Variants in LOXL3 observed in about 807,000 individuals in gnomAD.
LOXL3 encodes the protein lysyl oxidase like 3.
A neutral mutation model predicts 91.8 loss-of-function variants in LOXL3; 60 were observed. The ratio of observed to expected loss-of-function variants is 0.65; its 90% CI spans 0.53 to 0.81. LOXL3 has a LOEUF of 0.81. LOXL3 is among the 30% of genes least tolerant of loss of function. The probability of loss-of-function intolerance (pLI) is 0.00; values close to 1 mark genes in which losing one functional copy is unlikely to be tolerated. For missense variants in LOXL3, 874 were observed against 1,000.4 expected (o/e 0.87, Z 1.70); for synonymous variants, 355 against 387.6 (o/e 0.92, Z 0.99).
intron 4 of LOXL3, among the ~76,000 whole-genome samples, chr2:74,548,177 A>G (rs913175052): frequency 6.6e-6 from 1 of 152,262 alleles, no homozygotes; most frequent in African/African-American, 2.4e-5. Context: ...ATGTCTGTTC[A>G]GCAGAGGAGG....
At position 74,552,411 on chromosome 2, in the gene LOXL3, G is replaced by A. The variant is rs374759905; in HGVS notation, c.224C>T (p.Thr75Met). The change falls in exon 2 of 14, where the codon ACG (threonine) becomes ATG (methionine). Residue 75 changes from threonine (T) to methionine (M), a missense_variant. Physicochemically the swap from Thr to Met is moderately conservative, Grantham distance 81. Transcript: ENST00000264094. ...GCAGAGGATGTGGGCAGCCTGCAGC[G>A]TGAAGTCATCATCGCAGATGGTGCC... is the stretch of plus-strand genomic sequence containing the variant. ...EWGTICDDDF[T>M]LQAAHILCRE... is the part of the protein sequence containing the mutation. 1.1e-5 allele frequency: 18 copies of A among 1,613,674 alleles called. No homozygotes were observed. Among genetic ancestry groups the A allele is most frequent in the African/African-American group, 4.0e-5 (3 of 74,940 alleles).
rs1192116622 is a variant in LOXL3, at chr2:74,534,747, G to A, written c.1607C>T (p.Ala536Val). ...ETASDLLLHS[A>V]LVQETAYIED... Reference sequence around the variant, plus strand: ...GATGTAGGCGGTCTCCTGCACCAGTGCTGAGTGCAGCAACAGATCTGATGC... The same window carrying A: ...GATGTAGGCGGTCTCCTGCACCAGTACTGAGTGCAGCAACAGATCTGATGC... Residue 536 changes from alanine to valine, a missense_variant, in exon 10 of 14, where the codon GCA (alanine) becomes GTA (valine). Physicochemically the swap from Ala to Val is moderately conservative, Grantham distance 64. Coordinates refer to ENST00000264094, the MANE Select transcript of LOXL3 (RefSeq NM_032603.5). The A allele has an allele frequency of 6.2e-7, 1 of 1,613,904 alleles. No individual in the cohort carries two copies. The highest frequency in any genetic ancestry group is 1.7e-5 in the Admixed American group (1 of 60,024).
intron 4 of LOXL3, among the ~76,000 whole-genome samples, chr2:74,543,900 CA>C (rs960168777): frequency 0.011 from 714 of 65,122 alleles, 2 homozygotes; most frequent in African/African-American, 0.03. Context: ...GGCTCTGTCT[CA>C]AAAAAAAAAA....
At chr2:74,534,481 G>T in intron 10 of LOXL3, 50 bp from the exon 11 acceptor site, 1 of 1,613,562 alleles carries the variant, frequency 6.2e-7, no homozygotes, top group Non-Finnish European at 8.5e-7. Flanking sequence ...CAGAAGGTTT[G>T]CCCCATCCCC....
intron 12 of LOXL3, 36 bp downstream of exon 12, chr2:74,534,064 C>G: frequency 6.2e-7 from 1 of 1,613,010 alleles, no homozygotes; most frequent in Non-Finnish European, 8.5e-7. Context: ...AACGCTCCCC[C>G]CACTCACCCA....
At chr2:74,550,369 G>A in intron 2 of LOXL3, 21 bp from the exon 3 acceptor site, 1 of 1,608,566 alleles carries the variant, frequency 6.2e-7, no homozygotes, top group South Asian at 1.1e-5. Context: ...GGAGATGAAG[G>A]GACAGAGAAG....
At position 74,536,513 on chromosome 2, in the gene LOXL3, T is replaced by C. The variant is rs1414889175; in HGVS notation, c.913-42A>G. 3.8e-5 allele frequency: 60 copies of C among 1,585,040 alleles called. No homozygotes were observed. Among genetic ancestry groups the C allele is most frequent in the Non-Finnish European group, 4.9e-5 (57 of 1,163,896 alleles). ...TGCCCAACAGAGGCAAATGGCAACA[T>C]CTGCACGGAGGGCTAAGCAGACCTG... On this transcript the variant is annotated intron_variant, in intron 5 of 13. Coordinates refer to ENST00000264094, the MANE Select transcript of LOXL3 (RefSeq NM_032603.5). The surrounding 1 kb of genome is among the most constrained non-coding windows in gnomAD (Gnocchi z 4.5).
At position 74,538,453 on chromosome 2, in the gene LOXL3, C is replaced by T. The variant is rs13428246; in HGVS notation, c.693-1525G>A. On this transcript the variant is annotated intron_variant, in intron 4 of 13. Transcript: ENST00000264094. ...GGGAGAAAGGGATGAATTATCGATACTTCAGTCCCTCTTGAAGTTATCAGG... is the reference window on the plus strand; with the variant it reads ...GGGAGAAAGGGATGAATTATCGATATTTCAGTCCCTCTTGAAGTTATCAGG... 7.7e-3 allele frequency among the ~76,000 whole-genome samples: 1,179 copies of T among 152,326 alleles called. 14 individuals carry two copies. Among genetic ancestry groups the T allele is most frequent in the Middle Eastern group, 0.014 (4 of 294 alleles).
chr2:74,549,868 T>C lies in LOXL3; in HGVS notation c.478-285A>G. 1 of 985,316 alleles carries C rather than the reference T, an allele frequency of 1.0e-6. No homozygotes were observed. The highest frequency in any genetic ancestry group is 1.2e-6 in the Non-Finnish European group (1 of 829,894). 61.0% of individuals were successfully genotyped at this position (985,316 alleles called of 1,614,324 possible). Reference sequence around the variant, plus strand: ...GGAGCACTTCAAAAAGGAAATGGCTTTGAAGGAGGAGAAAGTCAGAAGGAA... The same window carrying C: ...GGAGCACTTCAAAAAGGAAATGGCTCTGAAGGAGGAGAAAGTCAGAAGGAA... On this transcript the variant is annotated intron_variant, in intron 3 of 13. Coordinates refer to ENST00000264094, the MANE Select transcript of LOXL3 (RefSeq NM_032603.5). This position sits in a 1 kb window ranked among gnomAD's most constrained non-coding sequence, Gnocchi z 5.3.
rs1227742150 is a variant in LOXL3, at chr2:74,534,639, T to C, written c.1715A>G (p.Tyr572Cys). Residue 572 changes from tyrosine to cysteine, a missense_variant, in exon 10 of 14, where the codon TAT becomes TGT. Coordinates refer to ENST00000264094, the MANE Select transcript of LOXL3 (RefSeq NM_032603.5). ...ASSARSANWP[Y>C]GHRRLLRFSS... ...GAATCGGAGCAGACGCCGGTGACCATAGGGCCAGTTGGCTGAGCGGGCTGA... is the reference window on the plus strand; with the variant it reads ...GAATCGGAGCAGACGCCGGTGACCACAGGGCCAGTTGGCTGAGCGGGCTGA... 3.7e-6 allele frequency: 6 copies of C among 1,614,076 alleles called. No homozygotes were observed. The highest frequency in any genetic ancestry group is 4.2e-6 in the Non-Finnish European group (5 of 1,180,038).
chr2:74,555,649 G>T (rs1265446616), upstream of LOXL3: 1 of 1,614,090 alleles, frequency 6.2e-7, no homozygotes, highest in East Asian at 2.2e-5. The surrounding 1 kb of genome is among the most constrained non-coding windows in gnomAD (Gnocchi z 6.1). Context: ...AGAACTCCTT[G>T]TACAGCCCTA....
In LOXL3 at chr2:74,549,156, G is replaced by C; in HGVS notation, c.692+213C>G. ...TCGGCCACGAGAGAGCGGGAGCCTC[G>C]CTGGTCCCCATTTCAGGTACTCCCT... On this transcript the variant is annotated intron_variant, in intron 4 of 13. Transcript: ENST00000264094. This position sits in a 1 kb window ranked among gnomAD's most constrained non-coding sequence, Gnocchi z 5.3. 2.2e-6 allele frequency: 1 copy of C among 453,238 alleles called. No homozygotes were observed. Among genetic ancestry groups the C allele is most frequent in the Non-Finnish European group, 3.7e-6 (1 of 268,442 alleles). The allele number at this position is 453,238 out of a possible 1,614,324, so 28.1% of individuals were successfully genotyped here.
Position 74,535,960 on chromosome 2 carries a change from A to G in LOXL3, c.1248+36T>C. On this transcript the variant is annotated intron_variant, in intron 7 of 13. Coordinates refer to ENST00000264094, the MANE Select transcript of LOXL3 (RefSeq NM_032603.5). This position sits in a 1 kb window ranked among gnomAD's most constrained non-coding sequence, Gnocchi z 4.2. Reference sequence around the variant, plus strand: ...TTGGAGACCAGACCTGGATAGGATGAAAGAGACCTCAACCAAGGTAGAGAG... The same window carrying G: ...TTGGAGACCAGACCTGGATAGGATGGAAGAGACCTCAACCAAGGTAGAGAG... 6.5e-7 allele frequency: 1 copy of G among 1,535,886 alleles called. No individual in the cohort carries two copies. Among genetic ancestry groups the G allele is most frequent in the East Asian group, 2.2e-5 (1 of 44,460 alleles).
chr2:74,549,268 G>A lies in LOXL3; in HGVS notation c.692+101C>T. ...ATTTTCCCGCGCGTCCCGACCCCCGGGTCCTCCCGTGCCCCGGACCTGCTC... is the reference window on the plus strand; with the variant it reads ...ATTTTCCCGCGCGTCCCGACCCCCGAGTCCTCCCGTGCCCCGGACCTGCTC... On this transcript the variant is annotated intron_variant, in intron 4 of 13. Coordinates refer to ENST00000264094, the MANE Select transcript of LOXL3 (RefSeq NM_032603.5). The surrounding 1 kb of genome is among the most constrained non-coding windows in gnomAD (Gnocchi z 5.3). 1 of 1,326,634 alleles carries A rather than the reference G, an allele frequency of 7.5e-7. No homozygotes were observed. 82.2% of individuals were successfully genotyped at this position (1,326,634 alleles called of 1,614,324 possible). A position where few individuals can be genotyped will look rare whatever the true frequency, so the allele number is the denominator to read the frequency against.
At chr2:74,553,183 A>C (rs1352506463) in intron 1 of LOXL3, 1 of 153,846 alleles carries the variant, frequency 6.5e-6, no homozygotes, top group East Asian at 1.9e-4. Context: ...ACTCAGAGGG[A>C]GGACAGACAG....
intron 4 of LOXL3, among the ~76,000 whole-genome samples, chr2:74,538,323 G>T (rs1377639760): frequency 1.3e-5 from 2 of 152,184 alleles, no homozygotes; most frequent in Non-Finnish European, 2.9e-5. Flanking sequence ...GGCACTACAA[G>T]AACATCCCCA....
intron 4 of LOXL3, among the ~76,000 whole-genome samples, chr2:74,539,064 A>G (rs1676174238): frequency 6.6e-6 from 1 of 152,128 alleles, no homozygotes; most frequent in Admixed American, 6.5e-5. Context: ...GCCACAGCCG[A>G]GTAACTCCAT....
At chr2:74,545,231 A>T (rs1443012454) in intron 4 of LOXL3, among the ~76,000 whole-genome samples, 1 of 151,980 alleles carries the variant, frequency 6.6e-6, no homozygotes, top group African/African-American at 2.4e-5. Flanking sequence ...TCCTACATCT[A>T]TTCATTTTCC....
rs763283290 is a variant in LOXL3 at position 74,535,978 on chromosome 2, G to A, written c.1248+18C>T. ...TAGGATGAAAGAGACCTCAACCAAGGTAGAGAGGATGACTGACCCTGGTCT... is the reference window on the plus strand; with the variant it reads ...TAGGATGAAAGAGACCTCAACCAAGATAGAGAGGATGACTGACCCTGGTCT... On this transcript the variant is annotated intron_variant, in intron 7 of 13. Coordinates refer to ENST00000264094, the MANE Select transcript of LOXL3 (RefSeq NM_032603.5). This position sits in a 1 kb window ranked among gnomAD's most constrained non-coding sequence, Gnocchi z 4.2. 5.2e-6 allele frequency: 8 copies of A among 1,551,624 alleles called. No individual in the cohort carries two copies. The East Asian group carries it at 9.0e-5, about 17-fold the overall frequency.
Sources: gnomAD v4.1 joint callset for allele counts (sites outside exome capture counted in the v4.1 genomes callset) on GRCh38, gnomAD v4.1.1 for gene constraint, Gnocchi (gnomAD v3.1) non-coding constraint, MANE v1.5 for transcripts, NCBI Gene and HGNC (gene_info 2026-07-23, HGNC 2026-07-21) for gene names.